The following MERTK variants were observed in gnomAD, a reference collection of about 807,000 sequenced individuals.
The protein encoded by MERTK is MER proto-oncogene, tyrosine kinase, also known as tyrosine-protein kinase Mer.
Under a neutral mutation model 99.3 loss-of-function variants are expected in MERTK, and 69 were observed. That is an observed-to-expected ratio of 0.70 (90% CI 0.57 to 0.85). The LOEUF is 0.85. Ranked by LOEUF, MERTK falls within the 40% of genes least tolerant of loss-of-function variation. The pLI, the probability that MERTK is intolerant of heterozygous loss-of-function variation, is 0.00. For missense variants in MERTK, 1,125 were observed against 1,249.4 expected, an observed-to-expected ratio of 0.90 and a Z score of 1.50; for synonymous variants, 426 against 467.6, an observed-to-expected ratio of 0.91 and a Z score of 1.15.
chr2:111,969,124 C>T (rs1228767288), intron 6 of MERTK, among the ~76,000 whole-genome samples: 1 of 152,192 alleles, frequency 6.6e-6, no homozygotes, highest in Non-Finnish European at 1.5e-5. Context: ...ATGATGTAAG[C>T]TGTGCTCTTG....
intron 1 of MERTK, among the ~76,000 whole-genome samples, chr2:111,925,290 ATATTTTTT>A (rs1374940149): frequency 9.5e-5 from 3 of 31,504 alleles, no homozygotes; most frequent in South Asian, 1.3e-3. Context: ...ATATATATAT[ATATTTTTT>A]TTTTTTTTTT....
At chr2:112,001,372 C>T in intron 11 of MERTK, 86 bp downstream of exon 11, 1 of 1,065,992 alleles carries the variant, frequency 9.4e-7, no homozygotes, top group South Asian at 1.3e-5. Flanking sequence ...CTAACAAAAG[C>T]CAAAGATGTC....
chr2:111,922,817 C>T (rs576009290), intron 1 of MERTK, among the ~76,000 whole-genome samples: 2 of 152,372 alleles, frequency 1.3e-5, no homozygotes, highest in South Asian at 2.1e-4. Flanking sequence ...CACTGCCCAC[C>T]AGCCCTTCTG....
chr2:111,903,215 A>T (rs1048860817), intron 1 of MERTK, among the ~76,000 whole-genome samples: 2 of 152,222 alleles, frequency 1.3e-5, no homozygotes, highest in African/African-American at 2.4e-5. Context: ...AGAGCACAGC[A>T]TGAAGGAACC....
intron 10 of MERTK, among the ~76,000 whole-genome samples, chr2:111,998,325 G>C (rs1676796027): frequency 6.6e-6 from 1 of 152,126 alleles, no homozygotes. Flanking sequence ...TACATCCCAG[G>C]ATCTTGGTGT....
chr2:111,913,687 G>A (rs983534587), intron 1 of MERTK, among the ~76,000 whole-genome samples: 1 of 152,120 alleles, frequency 6.6e-6, no homozygotes, highest in South Asian at 2.1e-4. Flanking sequence ...GGGATTACAG[G>A]CGCATGCCAC....
At chr2:112,000,659 A>T (rs1484291721) in intron 10 of MERTK, among the ~76,000 whole-genome samples, 1 of 152,168 alleles carries the variant, frequency 6.6e-6, no homozygotes, top group Admixed American at 6.5e-5. Flanking sequence ...GTTGACATTG[A>T]TCACCTGGCT....
At position 112,003,843 on chromosome 2, in the gene MERTK, C is replaced by T; in HGVS notation, c.1787-61C>T. The T allele has an allele frequency of 3.6e-6, 5 of 1,394,760 alleles. No homozygotes were observed. In the South Asian group the frequency reaches 4.6e-5, roughly 13 times the overall value. 86.4% of individuals were successfully genotyped at this position (1,394,760 alleles called of 1,614,324 possible). On this transcript the variant is annotated intron_variant, in intron 12 of 18. Transcript: ENST00000295408. ...GAAACCAGCAGCTCTGGCACTGTAG[C>T]ATTTCTGTGGTCAGGGAAGAGTTTG...
chr2:111,916,921 T>C (rs764723224), intron 1 of MERTK, among the ~76,000 whole-genome samples: 1 of 152,022 alleles, frequency 6.6e-6, no homozygotes, highest in Non-Finnish European at 1.5e-5. Flanking sequence ...GACATCTGAG[T>C]GTGGGGATAT....
At chr2:111,966,256 C>G (rs1363556396) in intron 5 of MERTK, among the ~76,000 whole-genome samples, 2 of 152,068 alleles carry the variant, frequency 1.3e-5, no homozygotes, top group African/African-American at 4.8e-5. Flanking sequence ...CAGAAGGAGA[C>G]TCAAAATTAC....
At chr2:112,005,199 C>A (rs1676956815) in intron 13 of MERTK, among the ~76,000 whole-genome samples, 1 of 152,058 alleles carries the variant, frequency 6.6e-6, no homozygotes, top group African/African-American at 2.4e-5. Flanking sequence ...TCCTGAGTAG[C>A]TGGGATTACA....
chr2:111,943,714 G>C (rs76852916), intron 2 of MERTK, among the ~76,000 whole-genome samples: 36,175 of 151,970 alleles, frequency 0.24, 4,644 homozygotes, highest in South Asian at 0.32. Flanking sequence ...ATGATGGCTA[G>C]GGCCCCAGAA....
At chr2:111,977,081 C>A (rs1676269058) in intron 7 of MERTK, among the ~76,000 whole-genome samples, 1 of 152,140 alleles carries the variant, frequency 6.6e-6, no homozygotes, top group Non-Finnish European at 1.5e-5. Flanking sequence ...AGGAAAAACA[C>A]ATGTTTATGC....
At chr2:112,021,680 G>C in intron 17 of MERTK, 99 bp downstream of exon 17, 2 of 1,145,794 alleles carry the variant, frequency 1.7e-6, no homozygotes, top group Non-Finnish European at 1.3e-6. Flanking sequence ...TTTACTCTTT[G>C]ATAAACTGAG....
Position 112,028,777 on chromosome 2 carries a change from T to A in MERTK, c.2913T>A (p.His971Gln). ...TTAGGAATGGGGTCTCCTGGTCCCA[T>A]TCGAGCATGCTGCCCTTGGGAAGCT... ...RLVRNGVSWSHSSMLPLGSSL... is the reference protein window; with the variant it reads ...RLVRNGVSWSQSSMLPLGSSL... The change falls in exon 19 of 19, where the codon CAT (histidine) becomes CAA (glutamine). Residue 971 changes from histidine (H) to glutamine (Q), a missense_variant. Physicochemically the swap from His to Gln is conservative, Grantham distance 24. Coordinates refer to ENST00000295408, the MANE Select transcript of MERTK (RefSeq NM_006343.3). 6.2e-7 allele frequency: 1 copy of A among 1,614,164 alleles called. No individual in the cohort carries two copies. The highest frequency in any genetic ancestry group is 8.5e-7 in the Non-Finnish European group (1 of 1,180,040).
At chr2:111,964,375 G>GTGTA (rs972200830) in intron 4 of MERTK, among the ~76,000 whole-genome samples, 9 of 70,594 alleles carry the variant, frequency 1.3e-4, no homozygotes, top group Admixed American at 8.1e-4. Flanking sequence ...TCTCGTGTGT[G>GTGTA]TGTGTGTGTG....
At chr2:111,964,039 C>CTTCCTTTTTTTTTT (rs1305839691) in intron 4 of MERTK, among the ~76,000 whole-genome samples, 42 of 40,484 alleles carry the variant, frequency 1.0e-3, no homozygotes, top group African/African-American at 2.8e-3. Context: ...CAAAAATTTT[C>CTTCCTTTTTTTTTT]TTTCTTTTTT....
In MERTK at chr2:112,020,407, T is replaced by C. The variant is rs369620049; in HGVS notation, c.2189+885T>C. ...TGAGGGGTTTCTCAGGACAAGGGATTTTGAGTGTAAAAAGGCAGTGTCAAG... is the reference window on the plus strand; with the variant it reads ...TGAGGGGTTTCTCAGGACAAGGGATCTTGAGTGTAAAAAGGCAGTGTCAAG... On this transcript the variant is annotated intron_variant, in intron 16 of 18. Coordinates refer to ENST00000295408, the MANE Select transcript of MERTK (RefSeq NM_006343.3). Among the ~76,000 whole-genome samples, 6 of 152,208 alleles carry C rather than the reference T, an allele frequency of 3.9e-5. No individual in the cohort carries two copies. In the East Asian group the frequency reaches 9.7e-4, roughly 24 times the overall value.
rs1047248515 is a variant in MERTK, at chr2:111,929,360, G to C, written c.302G>C (p.Gly101Ala). Residue 101 changes from glycine to alanine, a missense_variant, in exon 2 of 19, where the codon GGA (glycine) becomes GCA (alanine). Gly to Ala is a moderately conservative substitution (Grantham distance 60). Coordinates refer to ENST00000295408, the MANE Select transcript of MERTK (RefSeq NM_006343.3). ...LPPLAFKHTVGHIILSEHKGV... is the reference protein window; with the variant it reads ...LPPLAFKHTVAHIILSEHKGV... The stretch of plus-strand genomic sequence containing the variant: ...CCTCTTGCCTTCAAACACACAGTTG[G>C]ACACATAATACTTTCTGAACATAAA... 6.8e-6 allele frequency: 11 copies of C among 1,613,958 alleles called. No homozygotes were observed. Among genetic ancestry groups the C allele is most frequent in the Non-Finnish European group, 9.3e-6 (11 of 1,180,028 alleles).
Sources: gnomAD v4.1 joint callset for allele counts (sites outside exome capture counted in the v4.1 genomes callset) on GRCh38, gnomAD v4.1.1 for gene constraint, MANE v1.5 for transcripts, NCBI Gene and HGNC (gene_info 2026-07-23, HGNC 2026-07-21) for gene names.